HELLS: variants seen among roughly 807,000 people sequenced by gnomAD.
The protein encoded by HELLS is helicase, lymphoid specific, also known as lymphoid-specific helicase.
In HELLS, 32 loss-of-function variants were observed where a neutral mutation model predicts 120.0. That is an observed-to-expected ratio of 0.27 (90% CI 0.20 to 0.36). The LOEUF (loss-of-function observed/expected upper bound fraction) is 0.36. Ranked by LOEUF, HELLS falls within the 10% of genes least tolerant of loss-of-function variation. The pLI is 1.00. For synonymous variants in HELLS, 341 were observed against 323.4 expected, an observed-to-expected ratio of 1.05 and a Z score of -0.58; for missense variants, 650 against 993.4, an observed-to-expected ratio of 0.65 and a Z score of 4.65.
chr10:94,583,972 C>A, intron 12 of HELLS: 1 of 566,138 alleles, frequency 1.8e-6, no homozygotes, highest in South Asian at 2.4e-5. Context: ...TTGCCCATTT[C>A]TGGCTATTTC....
chr10:94,581,317 G>T lies in HELLS; in HGVS notation c.1033-9G>T. 2 of 1,492,278 alleles carry T rather than the reference G, an allele frequency of 1.3e-6. No homozygotes were observed. Among genetic ancestry groups the T allele is most frequent in the African/African-American group, 1.4e-5 (1 of 70,864 alleles). 92.4% of individuals were successfully genotyped at this position (1,492,278 alleles called of 1,614,324 possible). ...GTTTAAAAATCTTTTTCCTCAATTC[G>T]TTTTCTAGCATTGCTATTGGAAATA... On this transcript the variant is annotated splice_polypyrimidine_tract_variant and intron_variant, in intron 10 of 21. Transcript: ENST00000348459.
chr10:94,587,275 T>G (rs1218695090), intron 12 of HELLS, among the ~76,000 whole-genome samples: 1 of 152,198 alleles, frequency 6.6e-6, no homozygotes, highest in African/African-American at 2.4e-5. Flanking sequence ...TTTAGTTTTT[T>G]GGGTACATAG....
intron 21 of HELLS, among the ~76,000 whole-genome samples, chr10:94,597,861 A>G (rs1454009425): frequency 6.6e-6 from 1 of 152,174 alleles, no homozygotes; most frequent in Non-Finnish European, 1.5e-5. Flanking sequence ...TATCCCTTGA[A>G]AGTGGCTGAT....
intron 21 of HELLS, among the ~76,000 whole-genome samples, chr10:94,600,771 A>G (rs1341306010): frequency 1.3e-5 from 2 of 152,222 alleles, no homozygotes; most frequent in Non-Finnish European, 2.9e-5. Flanking sequence ...TAGAATTAGA[A>G]TTCTTTATAA....
At chr10:94,606,511 T>TAAAA (rs111926762), downstream of HELLS, among the ~76,000 whole-genome samples, 1 of 143,044 alleles carries the variant, frequency 7.0e-6, no homozygotes, top group Non-Finnish European at 1.5e-5. Context: ...CCAGATAATT[T>TAAAA]AAAAAAAAAA....
Position 94,566,812 on chromosome 10 carries a change from G to A in HELLS, c.435+3936G>A, listed in dbSNP as rs142593288. Among the ~76,000 whole-genome samples the A allele has an allele frequency of 2.1e-4, 32 of 151,912 alleles. 2 individuals carry two copies. In the East Asian group the frequency reaches 6.2e-3, roughly 29 times the overall value. ...TGGGACTACAGGCACGTGCCACCAC[G>A]CCTGGCTGTTTTTGTATTTTTTCAT... is the stretch of plus-strand genomic sequence containing the variant. On this transcript the variant is annotated intron_variant, in intron 6 of 21. Coordinates refer to ENST00000348459, the MANE Select transcript of HELLS (RefSeq NM_018063.5).
intron 4 of HELLS, among the ~76,000 whole-genome samples, 200 bp downstream of exon 4, chr10:94,558,395 C>T (rs1006063257): frequency 6.6e-6 from 1 of 152,138 alleles, no homozygotes; most frequent in Non-Finnish European, 1.5e-5. Context: ...GTATGGTCCA[C>T]TTTAGTTTCT....
intron 3 of HELLS, chr10:94,557,153 G>GTATT (rs1322672546): frequency 2.4e-6 from 1 of 415,488 alleles, no homozygotes; most frequent in East Asian, 7.6e-5. Context: ...ATCATTTATT[G>GTATT]TATTTATTGT....
Position 94,599,162 on chromosome 10 carries a change from A to G in HELLS, c.2422+2051A>G, listed in dbSNP as rs568729873. 2.0e-5 allele frequency among the ~76,000 whole-genome samples: 3 copies of G among 152,328 alleles called. No individual in the cohort carries two copies. The East Asian group carries it at 5.8e-4, about 29-fold the overall frequency. ...TTTATTTGAGTTTTAACTTTGAAAT[A>G]GTTTAGGGAGAAATATGAGACATAC... On this transcript the variant is annotated intron_variant, in intron 21 of 21. Transcript: ENST00000348459.
exon 10 of HELLS, chr10:94,612,814 T>C (rs1846207383): frequency 1.3e-5 from 2 of 152,198 alleles, no homozygotes; most frequent in Non-Finnish European, 2.9e-5. Flanking sequence ...TAATCCCAGC[T>C]ACTTTGGTGG....
chr10:94,590,146 C>A (rs1845409314), intron 13 of HELLS, among the ~76,000 whole-genome samples: 1 of 152,152 alleles, frequency 6.6e-6, no homozygotes, highest in South Asian at 2.1e-4. Context: ...TTTCCGGAGC[C>A]ATATTTCAAC....
At chr10:94,554,085 C>T in intron 2 of HELLS, 41 bp from the exon 3 acceptor site, 1 of 1,506,190 alleles carries the variant, frequency 6.6e-7, no homozygotes, top group Non-Finnish European at 8.8e-7. Flanking sequence ...TAAGGTATGT[C>T]AGAAAGTGTT....
intron 12 of HELLS, among the ~76,000 whole-genome samples, chr10:94,584,590 TTTAA>T (rs1319743927): frequency 2.0e-5 from 3 of 152,102 alleles, no homozygotes; most frequent in Non-Finnish European, 4.4e-5. Context: ...TCTTAGGAAA[TTTAA>T]TTAGAGTCAA....
chr10:94,608,636 GTTT>G (rs140578329), intron 9 of HELLS, among the ~76,000 whole-genome samples: 1 of 148,122 alleles, frequency 6.8e-6, no homozygotes, highest in African/African-American at 2.5e-5. Context: ...CAGTTTTTTA[GTTT>G]TTTTTTTTCT....
intron 6 of HELLS, among the ~76,000 whole-genome samples, chr10:94,566,932 G>C (rs1195517439): frequency 6.6e-6 from 1 of 152,116 alleles, no homozygotes; most frequent in African/African-American, 2.4e-5. Context: ...TGGGATTACA[G>C]GTGTGAGCCA....
intron 4 of HELLS, among the ~76,000 whole-genome samples, chr10:94,558,427 C>A (rs1446408218): frequency 6.6e-6 from 1 of 152,046 alleles, no homozygotes; most frequent in Non-Finnish European, 1.5e-5. Context: ...TTATTTTGGA[C>A]GTTGGCAAAA....
intron 2 of HELLS, among the ~76,000 whole-genome samples, chr10:94,550,521 C>T (rs971234671): frequency 2.6e-4 from 39 of 152,158 alleles, no homozygotes; most frequent in Non-Finnish European, 5.0e-4. Flanking sequence ...ACATCGTGAT[C>T]TGCCTTCCTC....
chr10:94,557,280 T>C (rs1212228275), intron 3 of HELLS: 5 of 282,286 alleles, frequency 1.8e-5, no homozygotes, highest in Non-Finnish European at 3.0e-5. Context: ...AATTTTGCTG[T>C]ATTTGTCAAA....
rs199878580 is a variant in HELLS at position 94,554,644 on chromosome 10, G to GTTT, written c.276+405_276+407dup. ...TCCTTGGAATCTTCAAAGTAATAGT[G>GTTT]TTTTTTTTTTTGTTTTTTTTTTTTT... On this transcript the variant is annotated intron_variant, in intron 3 of 21. Transcript: ENST00000348459. 6.3e-4 allele frequency among the ~76,000 whole-genome samples: 65 copies of GTTT among 103,072 alleles called. 2 individuals are homozygous for GTTT. The highest frequency in any genetic ancestry group is 9.3e-4 in the East Asian group (3 of 3,240). The allele number at this position is 103,072 out of a possible 152,430, so 67.6% of individuals were successfully genotyped here.
Sources: gnomAD v4.1 joint callset for allele counts (sites outside exome capture counted in the v4.1 genomes callset) on GRCh38, gnomAD v4.1.1 for gene constraint, MANE v1.5 for transcripts, NCBI Gene and HGNC (gene_info 2026-07-23, HGNC 2026-07-21) for gene names.